BDP1: variants seen among roughly 807,000 people sequenced by gnomAD.
BDP1 encodes transcription factor TFIIIB component B'' homolog.
Under a neutral mutation model 266.6 loss-of-function variants are expected in BDP1, and 169 were observed. The observed-to-expected ratio is 0.63, with a 90% CI of 0.56 to 0.72. The LOEUF (loss-of-function observed/expected upper bound fraction) is 0.72, where lower values mean the gene tolerates loss of function less well. BDP1 is among the 30% of genes least tolerant of loss of function. The pLI is 0.00. For synonymous variants in BDP1, 1,090 were observed against 1,022.4 expected (o/e 1.07, Z -1.26); for missense variants, 3,015 against 3,053.8 (o/e 0.99, Z 0.30).
chr5:71,517,474 AAAAAT>A, intron 22 of BDP1, 22 bp downstream of exon 22: 1 of 1,543,674 alleles, frequency 6.5e-7, no homozygotes, highest in East Asian at 2.3e-5. Context: ...TTTAATGAGA[AAAAAT>A]AAGACTTTTC....
chr5:71,462,482 A>C (rs1761636646), intron 3 of BDP1, among the ~76,000 whole-genome samples: 1 of 152,158 alleles, frequency 6.6e-6, no homozygotes, highest in Non-Finnish European at 1.5e-5. Flanking sequence ...GGCTGGGCAC[A>C]GTGGCTCATG....
intron 26 of BDP1, among the ~76,000 whole-genome samples, chr5:71,534,496 G>GT (rs35048742): frequency 0.22 from 33,097 of 149,816 alleles, 3,867 homozygotes; most frequent in Middle Eastern, 0.36. Flanking sequence ...TTTGTAGTAA[G>GT]TTTTTTTTTT....
At chr5:71,556,540 T>G (rs1382426209) in intron 35 of BDP1, among the ~76,000 whole-genome samples, 2 of 152,198 alleles carry the variant, frequency 1.3e-5, no homozygotes, top group Non-Finnish European at 2.9e-5. Flanking sequence ...TCTGTTGGTT[T>G]ATATTAGATT....
intron 30 of BDP1, 44 bp downstream of exon 30, chr5:71,542,309 A>G: frequency 1.4e-6 from 2 of 1,468,160 alleles, no homozygotes; most frequent in Admixed American, 2.2e-5. Context: ...ATTTTGACAC[A>G]AGAAATTACA....
chr5:71,542,088 C>T lies in BDP1; in HGVS notation c.6252-17C>T. Reference sequence around the variant, plus strand: ...GATCTAACATGATTCATGAATTTCTCTATCTTCTGTTTTTAGGAATACAAT... The same window carrying T: ...GATCTAACATGATTCATGAATTTCTTTATCTTCTGTTTTTAGGAATACAAT... On this transcript the variant is annotated splice_polypyrimidine_tract_variant and intron_variant, in intron 29 of 38. Coordinates refer to ENST00000358731, the MANE Select transcript of BDP1 (RefSeq NM_018429.3). The T allele has an allele frequency of 6.3e-7, 1 of 1,587,646 alleles. No homozygotes were observed. The highest frequency in any genetic ancestry group is 1.4e-5 in the African/African-American group (1 of 73,888).
At chr5:71,502,187 CTCT>C (rs1227196494) in intron 14 of BDP1, among the ~76,000 whole-genome samples, 1 of 142,164 alleles carries the variant, frequency 7.0e-6, no homozygotes, top group Non-Finnish European at 1.5e-5. Context: ...TTTTTTCTCT[CTCT>C]TTTTTTTTTT....
At chr5:71,524,527 G>A (rs1355204918) in intron 25 of BDP1, among the ~76,000 whole-genome samples, 4 of 121,496 alleles carry the variant, frequency 3.3e-5, no homozygotes, top group Non-Finnish European at 5.7e-5. Context: ...CAGCAAGGGA[G>A]TCAGTGTAAC....
intron 4 of BDP1, 33 bp downstream of exon 4, chr5:71,464,150 C>T (rs1043884836): frequency 9.1e-6 from 12 of 1,317,326 alleles, no homozygotes; most frequent in East Asian, 2.4e-5. Context: ...TATTCTATTC[C>T]TACATTTTTT....
At position 71,486,931 on chromosome 5, in the gene BDP1, A is replaced by G. The variant is rs532992960; in HGVS notation, c.1213+304A>G. 4.6e-5 allele frequency among the ~76,000 whole-genome samples: 7 copies of G among 152,164 alleles called. No homozygotes were observed. The South Asian group carries it at 1.5e-3, about 32-fold the overall frequency. ...ATTTCATGTTTGATTATTTATTATC[A>G]TTTTCCTCTGTAAAACAAATCTGGT... On this transcript the variant is annotated intron_variant, in intron 9 of 38. Transcript: ENST00000358731.
At chr5:71,569,291 A>G (rs2112174742), downstream of BDP1, among the ~76,000 whole-genome samples, 1 of 152,296 alleles carries the variant, frequency 6.6e-6, no homozygotes, top group African/African-American at 2.4e-5. Context: ...TACAAACAAA[A>G]CAAAGCAAAA....
intron 12 of BDP1, 134 bp from the exon 13 acceptor site, chr5:71,497,134 CTT>C (rs1763944586): frequency 4.5e-6 from 3 of 670,494 alleles, no homozygotes; most frequent in Admixed American, 3.1e-5. Flanking sequence ...AAGTTAGTCT[CTT>C]TAAGTTTTCT....
At chr5:71,457,535 C>T (rs1159062997) in intron 1 of BDP1, among the ~76,000 whole-genome samples, 2 of 152,076 alleles carry the variant, frequency 1.3e-5, no homozygotes, top group East Asian at 3.9e-4. Flanking sequence ...AGGCTGGACT[C>T]GAACTCCTGA....
intron 16 of BDP1, among the ~76,000 whole-genome samples, chr5:71,507,816 G>A (rs925820383): frequency 1.3e-5 from 2 of 152,184 alleles, no homozygotes; most frequent in African/African-American, 4.8e-5. Context: ...CTTCAGTTAT[G>A]TAAACAAGTA....
rs761518642 is a variant in BDP1, at chr5:71,501,530, A to G, written c.1957-32A>G. 7 of 1,243,090 alleles carry G rather than the reference A, an allele frequency of 5.6e-6. No homozygotes were observed. Among genetic ancestry groups the G allele is most frequent in the Non-Finnish European group, 7.1e-6 (6 of 849,718 alleles). 77.0% of individuals were successfully genotyped at this position (1,243,090 alleles called of 1,614,324 possible). A position where few individuals can be genotyped will look rare whatever the true frequency, so the allele number is the denominator to read the frequency against. On this transcript the variant is annotated intron_variant, in intron 13 of 38. Coordinates refer to ENST00000358731, the MANE Select transcript of BDP1 (RefSeq NM_018429.3). The stretch of plus-strand genomic sequence containing the variant: ...TACAAAGTTTGAACTGTTTATTGTA[A>G]GTAGATAAATTGTAGCAAATTAAAT...
At chr5:71,549,220 A>G (rs1742567381) in intron 33 of BDP1, among the ~76,000 whole-genome samples, 200 bp from the exon 34 acceptor site, 1 of 152,180 alleles carries the variant, frequency 6.6e-6, no homozygotes, top group Admixed American at 6.5e-5. Flanking sequence ...CCCGGGCGAC[A>G]GAGCGAGACT....
At chr5:71,571,827 G>A (rs1053503962), downstream of BDP1, among the ~76,000 whole-genome samples, 2 of 152,044 alleles carry the variant, frequency 1.3e-5, no homozygotes, top group East Asian at 3.9e-4. Flanking sequence ...TCACCATGTC[G>A]GCCAGGTTGG....
intron 7 of BDP1, among the ~76,000 whole-genome samples, chr5:71,480,457 G>T (rs905727798): frequency 6.6e-6 from 1 of 151,436 alleles, no homozygotes; most frequent in Non-Finnish European, 1.5e-5. Context: ...TTTAGTAGAG[G>T]TGGGGTTTCA....
At chr5:71,495,655 G>T (rs1426177358) in intron 12 of BDP1, among the ~76,000 whole-genome samples, 8 of 152,044 alleles carry the variant, frequency 5.3e-5, no homozygotes, top group African/African-American at 1.9e-4. Flanking sequence ...TGAATTTTAG[G>T]AAGGTGGTAA....
In BDP1 at chr5:71,465,272, C is replaced by CATT. The variant is rs530411913; in HGVS notation, c.660-805_660-803dup. Among the ~76,000 whole-genome samples the CATT allele has an allele frequency of 6.2e-3, 936 of 151,448 alleles. 10 individuals carry two copies. The highest frequency in any genetic ancestry group is 0.021 in the African/African-American group (884 of 41,294). On this transcript the variant is annotated intron_variant, in intron 4 of 38. Transcript: ENST00000358731. ...GAAACTAATGCTATATAACTATAAG[C>CATT]ATTATTATTATTATTATTATTTTTA...
Sources: gnomAD v4.1 joint callset for allele counts (sites outside exome capture counted in the v4.1 genomes callset) on GRCh38, gnomAD v4.1.1 for gene constraint, MANE v1.5 for transcripts, NCBI Gene and HGNC (gene_info 2026-07-23, HGNC 2026-07-21) for gene names.